Variants in SGO2 observed in about 807,000 individuals in gnomAD.
The protein encoded by SGO2 is shugoshin 2.
SGO2 carries 68 observed loss-of-function variants against 99.5 expected under a neutral mutation model. That is an observed-to-expected ratio of 0.68 (90% CI 0.56 to 0.84). The LOEUF is 0.84. Ranked by LOEUF, SGO2 falls within the 40% of genes least tolerant of loss-of-function variation. The probability of loss-of-function intolerance (pLI) is 0.00; values close to 1 mark genes in which losing one functional copy is unlikely to be tolerated. For missense variants in SGO2, 1,350 were observed against 1,436.7 expected (o/e 0.94, Z 0.97); for synonymous variants, 457 against 487.1 (o/e 0.94, Z 0.81).
In SGO2 at chr2:200,572,898, C is replaced by G. The variant is rs1351801421; in HGVS notation, c.2552C>G (p.Thr851Arg). The part of the protein sequence containing the change: ...FFSLTPKDKE[T>R]ISENLQVTNE... ...TCTCTAACCCCAAAGGATAAAGAAA[C>G]AATTTCTGAAAATCTACAAGTCACA... The change falls in exon 7 of 9, where the codon ACA (threonine) becomes AGA (arginine). Residue 851 changes from threonine to arginine, a missense_variant. Transcript: ENST00000357799. The G allele has an allele frequency of 1.3e-6, 2 of 1,590,410 alleles. No homozygotes were observed. The highest frequency in any genetic ancestry group is 1.7e-6 in the Non-Finnish European group (2 of 1,172,664).
intron 4 of SGO2, among the ~76,000 whole-genome samples, chr2:200,538,452 C>T (rs972405378): frequency 1.3e-5 from 2 of 152,200 alleles, no homozygotes; most frequent in African/African-American, 4.8e-5. Flanking sequence ...CCTGCACTTA[C>T]ATTTCATATC....
chr2:200,547,741 A>G (rs2032289147), intron 5 of SGO2, among the ~76,000 whole-genome samples: 1 of 152,172 alleles, frequency 6.6e-6, no homozygotes, highest in Non-Finnish European at 1.5e-5. Context: ...AGACCTACCT[A>G]TGTGCTCCCT....
Position 200,571,270 on chromosome 2 carries a change from T to C in SGO2, c.924T>C (p.Asn308=), listed in dbSNP as rs753957731. 1 of 1,613,378 alleles carries C rather than the reference T, an allele frequency of 6.2e-7. No individual in the cohort carries two copies. Among genetic ancestry groups the C allele is most frequent in the Admixed American group, 1.7e-5 (1 of 59,916 alleles). The change falls in exon 7 of 9, where the codon AAT becomes AAC. Residue 308 remains asparagine (N), a synonymous_variant. Transcript: ENST00000357799. ...TTTCAAGTCCAGAATTAAATTGCAA[T>C]AATGAGATAAATGGTCATACTAATG... ...QHISSPELNC[N]NEINGHTNET...
intron 5 of SGO2, among the ~76,000 whole-genome samples, chr2:200,569,456 G>A (rs2033308900): frequency 6.6e-6 from 1 of 152,062 alleles, no homozygotes; most frequent in African/African-American, 2.4e-5. Context: ...CTGTGACTAA[G>A]GGGTTAAGAA....
At chr2:200,565,023 A>G (rs2033130489) in intron 5 of SGO2, among the ~76,000 whole-genome samples, 1 of 152,158 alleles carries the variant, frequency 6.6e-6, no homozygotes, top group Admixed American at 6.5e-5. Flanking sequence ...CCAATTTGCC[A>G]GTCTGTGTCT....
intron 2 of SGO2, 75 bp from the exon 3 acceptor site, chr2:200,534,921 A>G (rs571217082): frequency 9.1e-6 from 9 of 985,156 alleles, no homozygotes; most frequent in African/African-American, 1.7e-5. Context: ...CATTTTGTCT[A>G]TGTTTTACTA....
intron 3 of SGO2, 62 bp downstream of exon 3, chr2:200,535,233 A>G (rs540189695): frequency 7.5e-7 from 1 of 1,333,894 alleles, no homozygotes; most frequent in South Asian, 1.8e-5. Flanking sequence ...CTGCATTATT[A>G]TAGAAGCTTT....
At chr2:200,575,820 C>T (rs1366998923) in intron 8 of SGO2, among the ~76,000 whole-genome samples, 2 of 152,268 alleles carry the variant, frequency 1.3e-5, no homozygotes, top group East Asian at 3.9e-4. Flanking sequence ...CCCTAGAAGT[C>T]AAAGTGGTTT....
chr2:200,545,562 A>G (rs941502812), intron 5 of SGO2, among the ~76,000 whole-genome samples: 1 of 152,124 alleles, frequency 6.6e-6, no homozygotes, highest in Non-Finnish European at 1.5e-5. Flanking sequence ...AAAACAAAAT[A>G]TACAGTGCCA....
intron 5 of SGO2, among the ~76,000 whole-genome samples, chr2:200,551,030 G>A (rs1335842283): frequency 1.3e-5 from 2 of 150,916 alleles, no homozygotes; most frequent in Non-Finnish European, 3.0e-5. Flanking sequence ...TATACTGGTA[G>A]AAATGTAAAT....
intron 5 of SGO2, among the ~76,000 whole-genome samples, chr2:200,551,003 A>AG (rs397783274): frequency 1.3e-5 from 2 of 151,614 alleles, no homozygotes; most frequent in Non-Finnish European, 2.9e-5. Context: ...AAAAAAAAAA[A>AG]GAAAAAAGGG....
intron 5 of SGO2, among the ~76,000 whole-genome samples, chr2:200,559,078 C>A (rs533588336): frequency 1.3e-5 from 2 of 152,330 alleles, no homozygotes; most frequent in East Asian, 3.9e-4. Context: ...GCTGGGATTA[C>A]AGGCATGAGC....
chr2:200,574,054 T>G, intron 7 of SGO2, 77 bp downstream of exon 7: 1 of 1,171,838 alleles, frequency 8.5e-7, no homozygotes, highest in East Asian at 2.5e-5. Context: ...ACTTAGCCAG[T>G]GAAGTATTTT....
At chr2:200,533,165 A>G (rs1368877652) in intron 2 of SGO2, 57 bp downstream of exon 2, 4 of 1,478,120 alleles carry the variant, frequency 2.7e-6, no homozygotes, top group East Asian at 4.8e-5. Context: ...CAGAATTGTT[A>G]TATATTTGCT....
In SGO2 at chr2:200,560,398, G is replaced by T. The variant is rs531618087; in HGVS notation, c.474-9265G>T. ...TCAGGTGTCATTTTATCATCTTCAG[G>T]TATCTATCTTTTTCTGTTGAAAAGT... On this transcript the variant is annotated intron_variant, in intron 5 of 8. Transcript: ENST00000357799. Among the ~76,000 whole-genome samples the T allele has an allele frequency of 4.6e-5, 7 of 151,760 alleles. No homozygotes were observed. In the South Asian group the frequency reaches 1.5e-3, roughly 32 times the overall value.
At position 200,544,692 on chromosome 2, in the gene SGO2, G is replaced by GATCTATCTATCTATCT. The variant is rs71022322; in HGVS notation, c.473+2057_473+2072dup. The stretch of plus-strand genomic sequence containing the variant: ...TAGTGTGGAGTAGAATTACTTGGGA[G>GATCTATCTATCTATCT]ATCTATCTATCTATCTATCTATCTA... On this transcript the variant is annotated intron_variant, in intron 5 of 8. Coordinates refer to ENST00000357799, the MANE Select transcript of SGO2 (RefSeq NM_152524.6). Among the ~76,000 whole-genome samples, 133 of 145,754 alleles carry GATCTATCTATCTATCT rather than the reference G, an allele frequency of 9.1e-4. 1 individual carries two copies. The highest frequency in any genetic ancestry group is 2.5e-3 in the East Asian group (12 of 4,878).
intron 1 of SGO2, chr2:200,532,282 T>TG (rs1310708314): frequency 1.6e-4 from 61 of 374,804 alleles, no homozygotes; most frequent in African/African-American, 7.9e-4. Context: ...GTTTTTTTTT[T>TG]TGTTTTTTTT....
At chr2:200,552,519 G>A (rs2032535411) in intron 5 of SGO2, among the ~76,000 whole-genome samples, 1 of 152,146 alleles carries the variant, frequency 6.6e-6, no homozygotes, top group Non-Finnish European at 1.5e-5. Flanking sequence ...CGAAACAAGG[G>A]GTGGATTATT....
chr2:200,573,706 G>A lies in SGO2; in HGVS notation c.3360G>A (p.Glu1120=). ...SEQADKENNL[E]NEKMVKNKPD... ...AAGCTGATAAGGAAAACAATTTGGA[G>A]AATGAGAAAATGGTCAAAAATAAGC... Residue 1120 remains glutamate, a synonymous_variant, in exon 7 of 9, where the codon GAG becomes GAA. Transcript: ENST00000357799. 1.2e-6 allele frequency: 2 copies of A among 1,612,948 alleles called. No individual in the cohort carries two copies. Among genetic ancestry groups the A allele is most frequent in the Non-Finnish European group, 1.7e-6 (2 of 1,179,444 alleles).
Sources: allele counts gnomAD v4.1 joint callset (sites outside exome capture counted in the v4.1 genomes callset), GRCh38; gene constraint gnomAD v4.1.1; transcripts MANE v1.5; gene names NCBI Gene and HGNC (gene_info 2026-07-23, HGNC 2026-07-21).